Variants in SPOP observed in about 807,000 individuals in gnomAD.
SPOP encodes the protein speckle type BTB/POZ protein.
SPOP carries 11 observed loss-of-function variants against 45.6 expected under a neutral mutation model. The observed-to-expected ratio is 0.24, with a 90% CI of 0.15 to 0.40. The LOEUF is 0.40. Among genes scored for constraint, SPOP ranks in the 10% least tolerant of loss-of-function variants. The probability of loss-of-function intolerance (pLI) is 1.00; values close to 1 mark genes in which losing one functional copy is unlikely to be tolerated. For synonymous variants in SPOP, 166 were observed against 166.3 expected, an observed-to-expected ratio of 1.00 and a Z score of 0.01; for missense variants, 152 against 465.6, an observed-to-expected ratio of 0.33 and a Z score of 6.20.
At chr17:49,613,745 A>G in intron 5 of SPOP, among the ~76,000 whole-genome samples, 1 of 152,238 alleles carries the variant, frequency 6.6e-6, no homozygotes, top group South Asian at 2.1e-4. Context: ...AATACGCTTA[A>G]TTAAAAATAA....
chr17:49,622,711 CA>C, intron 2 of SPOP, 21 bp downstream of exon 2: 1 of 1,610,486 alleles, frequency 6.2e-7, no homozygotes, highest in Non-Finnish European at 8.5e-7. Flanking sequence ...GCAAGATTCA[CA>C]GGCTGAAAAC....
In SPOP at chr17:49,621,930, A is replaced by AC; in HGVS notation, c.200+15dup. On this transcript the variant is annotated intron_variant, in intron 3 of 9. Transcript: ENST00000504102. ...ACTTCAGAAAAATTTTTACAGTTAGACGTATTCTTCCTCACCATTTCAGTT... is the reference window on the plus strand; with the variant it reads ...ACTTCAGAAAAATTTTTACAGTTAGACCGTATTCTTCCTCACCATTTCAGTT... 6.2e-7 allele frequency: 1 copy of AC among 1,612,460 alleles called. No homozygotes were observed. The highest frequency in any genetic ancestry group is 8.5e-7 in the Non-Finnish European group (1 of 1,178,990).
chr17:49,675,409 G>A (rs1197129740), intron 1 of SPOP, among the ~76,000 whole-genome samples: 1 of 152,210 alleles, frequency 6.6e-6, no homozygotes, highest in African/African-American at 2.4e-5. Context: ...AACAAAAAAT[G>A]TGAAGAATAT....
chr17:49,673,058 G>C (rs1285978776), intron 1 of SPOP, among the ~76,000 whole-genome samples: 1 of 152,142 alleles, frequency 6.6e-6, no homozygotes, highest in Admixed American at 6.6e-5. Context: ...AGACAATTGG[G>C]AAAATCTGAA....
At position 49,678,094 on chromosome 17, in the gene SPOP, C is replaced by G. The variant is rs760495856; in HGVS notation, c.-228G>C. ...ACACACCGACACACACCAGCCGGGG[C>G]GTCATGGCGTCAGCACGTCGACGCA... is the stretch of plus-strand genomic sequence containing the variant. On this transcript the variant is annotated 5_prime_UTR_variant, in exon 1 of 10. Coordinates refer to ENST00000504102, the MANE Select transcript of SPOP (RefSeq NM_001007228.2). The G allele has an allele frequency of 5.4e-4, 216 of 397,460 alleles. 1 individual carries two copies. The highest frequency in any genetic ancestry group is 2.1e-4 in the Non-Finnish European group (48 of 225,382). The allele number at this position is 397,460 out of a possible 1,614,324, so 24.6% of individuals were successfully genotyped here. A position where few individuals can be genotyped will look rare whatever the true frequency, so the allele number is the denominator to read the frequency against.
intron 1 of SPOP, among the ~76,000 whole-genome samples, chr17:49,651,480 T>C (rs750526429): frequency 1.3e-5 from 2 of 152,226 alleles, no homozygotes; most frequent in Non-Finnish European, 2.9e-5. Flanking sequence ...AAGATAAATT[T>C]GCAACTCTAT....
chr17:49,611,230 T>G, intron 6 of SPOP, 50 bp downstream of exon 6: 2 of 1,580,500 alleles, frequency 1.3e-6, no homozygotes, highest in Non-Finnish European at 1.7e-6. Context: ...AATCACTTGT[T>G]TTTCCTTATT....
intron 1 of SPOP, among the ~76,000 whole-genome samples, chr17:49,650,534 C>T (rs1278074279): frequency 2.0e-5 from 3 of 152,036 alleles, no homozygotes; most frequent in Admixed American, 6.6e-5. Flanking sequence ...GAGCCAAGCT[C>T]GTGCCACTGC....
chr17:49,623,541 T>C (rs2072262975), intron 1 of SPOP, among the ~76,000 whole-genome samples: 1 of 152,202 alleles, frequency 6.6e-6, no homozygotes, highest in Non-Finnish European at 1.5e-5. Context: ...GTAAAAATAC[T>C]CTACTCCTAA....
rs879447503 is a variant in SPOP, at chr17:49,624,343, A to G, written c.-66-1467T>C. ...CACGCGCGCGCGCGCACACACACAC[A>G]CACACACACACACACACACACGGTA... is the stretch of plus-strand genomic sequence containing the variant. On this transcript the variant is annotated intron_variant, in intron 1 of 9. Coordinates refer to ENST00000504102, the MANE Select transcript of SPOP (RefSeq NM_001007228.2). 2.2e-3 allele frequency among the ~76,000 whole-genome samples: 335 copies of G among 149,630 alleles called. 6 individuals carry two copies. The South Asian group carries it at 0.025, about 11-fold the overall frequency.
At chr17:49,667,361 G>C (rs1283029816) in intron 1 of SPOP, among the ~76,000 whole-genome samples, 1 of 150,982 alleles carries the variant, frequency 6.6e-6, no homozygotes, top group Non-Finnish European at 1.5e-5. Flanking sequence ...AGGCCAAGGC[G>C]GGCGGATCAC....
intron 8 of SPOP, chr17:49,602,313 A>G: frequency 4.3e-6 from 1 of 234,958 alleles, no homozygotes; most frequent in Non-Finnish European, 8.4e-6. Context: ...CCTGACTGTG[A>G]TGAAAGTTGT....
intron 1 of SPOP, among the ~76,000 whole-genome samples, chr17:49,650,205 T>C (rs1296768998): frequency 6.6e-6 from 1 of 152,176 alleles, no homozygotes; most frequent in African/African-American, 2.4e-5. Flanking sequence ...GTTTACTTTC[T>C]ATCAATTTAG....
intron 1 of SPOP, among the ~76,000 whole-genome samples, chr17:49,641,461 T>G (rs2072649086): frequency 6.6e-6 from 1 of 151,730 alleles, no homozygotes. Context: ...ACCCAGACAG[T>G]GTCTGGCACA....
Position 49,600,785 on chromosome 17 carries a change from A to G in SPOP, c.981-263T>C, listed in dbSNP as rs143371036. The G allele has an allele frequency of 9.2e-4, 411 of 447,018 alleles. 1 individual carries two copies. Among genetic ancestry groups the G allele is most frequent in the Middle Eastern group, 5.7e-3 (9 of 1,582 alleles). 27.7% of individuals were successfully genotyped at this position (447,018 alleles called of 1,614,324 possible). ...AAGCAGAATGTTCCCCAGGCCCCCAACACTGCCTATGTTCCTTATATTCAC... is the reference window on the plus strand; with the variant it reads ...AAGCAGAATGTTCCCCAGGCCCCCAGCACTGCCTATGTTCCTTATATTCAC... On this transcript the variant is annotated intron_variant, in intron 9 of 9. Coordinates refer to ENST00000504102, the MANE Select transcript of SPOP (RefSeq NM_001007228.2). The surrounding 1 kb of genome is among the most constrained non-coding windows in gnomAD (Gnocchi z 4.2).
Position 49,622,017 on chromosome 17 carries a change from A to G in SPOP, c.129T>C (p.Phe43=). 1 of 1,614,062 alleles carries G rather than the reference A, an allele frequency of 6.2e-7. No individual in the cohort carries two copies. The part of the protein sequence containing the change: ...SYMWTINNFS[F]CREEMGEVIK... ...TGACTTCACCCATTTCCTCCCGGCAAAAGCTAAAGTTATTGATGGTCCACA... is the reference window on the plus strand; with the variant it reads ...TGACTTCACCCATTTCCTCCCGGCAGAAGCTAAAGTTATTGATGGTCCACA... The change falls in exon 3 of 10, where the codon TTT becomes TTC. Residue 43 remains phenylalanine (F), a synonymous_variant. Transcript: ENST00000504102.
chr17:49,639,225 C>CT (rs979251899), intron 1 of SPOP, among the ~76,000 whole-genome samples: 31 of 148,496 alleles, frequency 2.1e-4, no homozygotes, highest in South Asian at 4.2e-4. Context: ...TTACTCTCCA[C>CT]TTTTTTTTTT....
At chr17:49,616,511 T>G (rs774251575) in intron 5 of SPOP, among the ~76,000 whole-genome samples, 11 of 152,176 alleles carry the variant, frequency 7.2e-5, no homozygotes, top group Non-Finnish European at 1.3e-4. Flanking sequence ...TTTATAAATA[T>G]TCCACTGATA....
chr17:49,666,185 T>C (rs576394636), intron 1 of SPOP, among the ~76,000 whole-genome samples: 1 of 152,030 alleles, frequency 6.6e-6, no homozygotes, highest in South Asian at 2.1e-4. Flanking sequence ...TTAAGTGGCA[T>C]TAGAAAAGTT....
Sources: gnomAD v4.1 joint callset for allele counts (sites outside exome capture counted in the v4.1 genomes callset) on GRCh38, gnomAD v4.1.1 for gene constraint, Gnocchi (gnomAD v3.1) non-coding constraint, MANE v1.5 for transcripts, NCBI Gene and HGNC (gene_info 2026-07-23, HGNC 2026-07-21) for gene names.